NUBPL: variants seen among roughly 807,000 people sequenced by gnomAD.
NUBPL encodes the protein NUBP iron-sulfur cluster assembly factor, mitochondrial.
A neutral mutation model predicts 45.7 loss-of-function variants in NUBPL; 31 were observed. The observed-to-expected ratio is 0.68, with a 90% CI of 0.51 to 0.92. The LOEUF is 0.92. Ranked by LOEUF, NUBPL falls within the 40% of genes least tolerant of loss-of-function variation. The probability of loss-of-function intolerance (pLI) is 0.00; values close to 1 mark genes in which losing one functional copy is unlikely to be tolerated. For missense variants in NUBPL, 401 were observed against 398.7 expected (o/e 1.01, Z -0.05); for synonymous variants, 144 against 140.9 (o/e 1.02, Z -0.15).
chr14:31,775,397 G>A (rs377148497), intron 6 of NUBPL, among the ~76,000 whole-genome samples: 16 of 152,192 alleles, frequency 1.1e-4, no homozygotes, highest in African/African-American at 3.9e-4. Context: ...CAGCCTGGGC[G>A]ACAAGAGCAA....
At chr14:31,669,821 T>TTTTTTTTG (rs1161866241) in intron 4 of NUBPL, among the ~76,000 whole-genome samples, 1 of 146,320 alleles carries the variant, frequency 6.8e-6, no homozygotes. Context: ...TTTTTTTTTT[T>TTTTTTTTG]TACGGCTGCC....
intron 6 of NUBPL, among the ~76,000 whole-genome samples, chr14:31,688,353 A>G (rs905053703): frequency 6.6e-6 from 1 of 151,974 alleles, no homozygotes; most frequent in African/African-American, 2.4e-5. Context: ...CGAAGTGGGC[A>G]GATCATGAAG....
At chr14:31,818,890 G>A (rs1333300745) in intron 7 of NUBPL, among the ~76,000 whole-genome samples, 1 of 152,090 alleles carries the variant, frequency 6.6e-6, no homozygotes, top group Admixed American at 6.6e-5. Context: ...TCTGAAGTGA[G>A]CAAAATAATG....
chr14:31,664,462 T>C (rs1044232187), intron 4 of NUBPL, among the ~76,000 whole-genome samples: 1 of 152,190 alleles, frequency 6.6e-6, no homozygotes, highest in Non-Finnish European at 1.5e-5. Context: ...TGAATTTTGT[T>C]GAAGGTCTTT....
At chr14:31,701,715 C>A (rs778921233) in intron 6 of NUBPL, among the ~76,000 whole-genome samples, 8 of 152,128 alleles carry the variant, frequency 5.3e-5, no homozygotes, top group Admixed American at 5.2e-4. Context: ...CTGAAGTCAG[C>A]GAGACCACGA....
chr14:31,711,741 G>A (rs1232569601), intron 6 of NUBPL, among the ~76,000 whole-genome samples: 1 of 152,076 alleles, frequency 6.6e-6, no homozygotes, highest in Non-Finnish European at 1.5e-5. Flanking sequence ...GACCTTCGCG[G>A]TGAGTGTTAC....
chr14:31,624,779 G>A (rs2035160872), intron 4 of NUBPL, among the ~76,000 whole-genome samples: 1 of 152,152 alleles, frequency 6.6e-6, no homozygotes, highest in African/African-American at 2.4e-5. Flanking sequence ...TGGCCAGGCT[G>A]GTCTTGAACT....
chr14:31,617,483 G>A (rs1231126055), intron 4 of NUBPL, among the ~76,000 whole-genome samples: 3 of 152,196 alleles, frequency 2.0e-5, no homozygotes, highest in African/African-American at 7.2e-5. Context: ...TTTTTAGCAG[G>A]AAGGGGTGTT....
intron 7 of NUBPL, among the ~76,000 whole-genome samples, chr14:31,799,858 C>G (rs1428698487): frequency 2.0e-5 from 3 of 152,190 alleles, no homozygotes; most frequent in Non-Finnish European, 2.9e-5. Context: ...CATCAACTGA[C>G]TCTTCCTTTC....
intron 4 of NUBPL, 109 bp downstream of exon 4, chr14:31,599,488 G>A (rs1249472696): frequency 1.3e-6 from 1 of 752,006 alleles, no homozygotes; most frequent in East Asian, 2.7e-5. Flanking sequence ...ACAATGTAGT[G>A]TAAGTCCTCA....
At chr14:31,765,585 A>C (rs1265796782) in intron 6 of NUBPL, among the ~76,000 whole-genome samples, 3 of 152,022 alleles carry the variant, frequency 2.0e-5, no homozygotes, top group Non-Finnish European at 4.4e-5. Context: ...ATCTAAAGAC[A>C]TAAGCTCACA....
chr14:31,577,448 C>A (rs1202028158), intron 3 of NUBPL, among the ~76,000 whole-genome samples: 2 of 152,188 alleles, frequency 1.3e-5, no homozygotes, highest in Admixed American at 1.3e-4. Context: ...GAGTCTTACT[C>A]TGTGGCCCAG....
chr14:31,706,413 A>G (rs1359428238), intron 6 of NUBPL, among the ~76,000 whole-genome samples: 1 of 152,212 alleles, frequency 6.6e-6, no homozygotes, highest in Non-Finnish European at 1.5e-5. Context: ...AACAAATTTG[A>G]CAAGAAGGTT....
At chr14:31,731,790 A>G (rs4981121) in intron 6 of NUBPL, among the ~76,000 whole-genome samples, 2 of 151,984 alleles carry the variant, frequency 1.3e-5, no homozygotes, top group African/African-American at 4.8e-5. Context: ...AGCCTTCCTC[A>G]GAAGAGTATC....
chr14:31,830,450 AT>A (rs2040171155), intron 8 of NUBPL, among the ~76,000 whole-genome samples: 1 of 152,030 alleles, frequency 6.6e-6, no homozygotes, highest in Non-Finnish European at 1.5e-5. Flanking sequence ...AGCCATGATT[AT>A]TTTTTTCATG....
intron 4 of NUBPL, among the ~76,000 whole-genome samples, chr14:31,621,046 C>T (rs1279257918): frequency 6.6e-6 from 1 of 152,166 alleles, no homozygotes; most frequent in Non-Finnish European, 1.5e-5. Context: ...GTGGGCTCCA[C>T]CCACTTCAAA....
At chr14:31,853,980 T>C (rs182764236) in intron 10 of NUBPL, among the ~76,000 whole-genome samples, 1 of 152,320 alleles carries the variant, frequency 6.6e-6, no homozygotes, top group East Asian at 1.9e-4. Context: ...TGTGGTTTTA[T>C]CCTTTTTATC....
intron 6 of NUBPL, among the ~76,000 whole-genome samples, chr14:31,784,142 T>A (rs2039244265): frequency 6.6e-6 from 1 of 152,088 alleles, no homozygotes; most frequent in Admixed American, 6.6e-5. Flanking sequence ...CACTCTGAAG[T>A]TAAAAGTTAA....
chr14:31,595,194 G>C lies in NUBPL; in HGVS notation c.292-4095G>C, dbSNP rs148056546. 6.6e-3 allele frequency among the ~76,000 whole-genome samples: 1,008 copies of C among 152,210 alleles called. 11 individuals are homozygous for C. Among genetic ancestry groups the C allele is most frequent in the African/African-American group, 0.023 (944 of 41,544 alleles). The stretch of plus-strand genomic sequence containing the variant: ...AGTATAATTACTCTTGAATAATTCT[G>C]CCACCTTTTACAACTTCCACAGGGT... On this transcript the variant is annotated intron_variant, in intron 3 of 10. Coordinates refer to ENST00000281081, the MANE Select transcript of NUBPL (RefSeq NM_025152.3).
Sources: allele counts gnomAD v4.1 joint callset (sites outside exome capture counted in the v4.1 genomes callset), GRCh38; gene constraint gnomAD v4.1.1; transcripts MANE v1.5; gene names NCBI Gene and HGNC (gene_info 2026-07-23, HGNC 2026-07-21).